SEMA5B: variants seen among roughly 807,000 people sequenced by gnomAD.
SEMA5B encodes the protein semaphorin 5B.
A neutral mutation model predicts 135.0 loss-of-function variants in SEMA5B; 66 were observed. That is an observed-to-expected ratio of 0.49 (90% CI 0.40 to 0.60). SEMA5B has a LOEUF of 0.60. Ranked by LOEUF, SEMA5B falls within the 20% of genes least tolerant of loss-of-function variation. SEMA5B has a pLI of 0.00. For synonymous variants in SEMA5B, 690 were observed against 639.5 expected (o/e 1.08, Z -1.19); for missense variants, 1,501 against 1,566.3 (o/e 0.96, Z 0.70).
chr3:123,020,030 CA>C (rs1412770650), intron 1 of SEMA5B, among the ~76,000 whole-genome samples: 2 of 152,190 alleles, frequency 1.3e-5, no homozygotes, highest in African/African-American at 4.8e-5. Flanking sequence ...GGAAGTCAGT[CA>C]AAAACGGTCT....
At chr3:122,967,777 T>A (rs543875846) in intron 1 of SEMA5B, among the ~76,000 whole-genome samples, 1 of 152,382 alleles carries the variant, frequency 6.6e-6, no homozygotes, top group Non-Finnish European at 1.5e-5. Flanking sequence ...CAGGCTTTGC[T>A]TCTTCCAGGG....
chr3:123,017,231 A>C (rs1942584200), intron 1 of SEMA5B, among the ~76,000 whole-genome samples: 1 of 152,048 alleles, frequency 6.6e-6, no homozygotes, highest in Non-Finnish European at 1.5e-5. Context: ...GTTTGGTTGA[A>C]TCCTCACATG....
chr3:123,016,051 A>G (rs375833472), intron 1 of SEMA5B, among the ~76,000 whole-genome samples: 175 of 152,300 alleles, frequency 1.1e-3, no homozygotes, highest in African/African-American at 4.1e-3. Flanking sequence ...GCTCATGCTC[A>G]CAGAATAGGG....
chr3:123,004,020 A>G (rs1003398999), intron 1 of SEMA5B, among the ~76,000 whole-genome samples: 4 of 152,252 alleles, frequency 2.6e-5, no homozygotes, highest in Middle Eastern at 3.4e-3. Context: ...CTCAAATCCC[A>G]TTAGTCAAAA....
intron 1 of SEMA5B, among the ~76,000 whole-genome samples, chr3:122,978,123 C>T (rs1455556137): frequency 6.6e-6 from 1 of 152,246 alleles, no homozygotes; most frequent in Non-Finnish European, 1.5e-5. Context: ...ACGCAGGAGA[C>T]AGAATTATAG....
At chr3:123,026,012 A>G (rs1011127202) in intron 1 of SEMA5B, among the ~76,000 whole-genome samples, 1 of 152,144 alleles carries the variant, frequency 6.6e-6, no homozygotes, top group Non-Finnish European at 1.5e-5. Flanking sequence ...CTGATTGTCA[A>G]GAAGAGAACA....
At chr3:122,925,275 G>T (rs1352781325) in intron 9 of SEMA5B, among the ~76,000 whole-genome samples, 1 of 152,022 alleles carries the variant, frequency 6.6e-6, no homozygotes, top group Admixed American at 6.6e-5. Flanking sequence ...CTATATCAGG[G>T]TGTCCAATCT....
At chr3:122,986,197 C>A (rs1423535398) in intron 1 of SEMA5B, among the ~76,000 whole-genome samples, 3 of 152,308 alleles carry the variant, frequency 2.0e-5, no homozygotes, top group South Asian at 4.1e-4. Flanking sequence ...TCTGTTCAAG[C>A]CTTTGCCTAC....
intron 1 of SEMA5B, among the ~76,000 whole-genome samples, chr3:123,009,651 G>A (rs1377090593): frequency 3.9e-5 from 6 of 152,192 alleles, no homozygotes; most frequent in Non-Finnish European, 7.3e-5. Flanking sequence ...TCCAGCCACT[G>A]AGGCTTATCA....
chr3:122,961,440 A>C (rs1576369394), intron 1 of SEMA5B, 139 bp from the exon 2 acceptor site: 5 of 772,990 alleles, frequency 6.5e-6, no homozygotes, highest in East Asian at 2.9e-5. Flanking sequence ...TTAACAAATC[A>C]CCACAGTAAT....
At chr3:122,946,791 C>T (rs565765335) in intron 3 of SEMA5B, among the ~76,000 whole-genome samples, 35 of 152,180 alleles carry the variant, frequency 2.3e-4, no homozygotes, top group Non-Finnish European at 4.1e-4. Flanking sequence ...ATTCAGCAAA[C>T]GGATAGGAAA....
intron 1 of SEMA5B, among the ~76,000 whole-genome samples, chr3:122,976,861 C>T (rs1337260945): frequency 6.6e-6 from 1 of 152,122 alleles, no homozygotes; most frequent in Non-Finnish European, 1.5e-5. Flanking sequence ...ACCAGCCTTG[C>T]CAACATGATG....
At chr3:123,026,101 G>A (rs909551640) in intron 1 of SEMA5B, among the ~76,000 whole-genome samples, 3 of 152,210 alleles carry the variant, frequency 2.0e-5, no homozygotes, top group Admixed American at 6.5e-5. Flanking sequence ...CCCCGAGGCC[G>A]AAGTGGGTTG....
rs763417376 is a variant in SEMA5B at position 122,922,255 on chromosome 3, G to A, written c.1465C>T (p.Leu489Phe). 3 of 1,613,910 alleles carry A rather than the reference G, an allele frequency of 1.9e-6. No homozygotes were observed. Among genetic ancestry groups the A allele is most frequent in the South Asian group, 1.1e-5 (1 of 91,012 alleles). The change falls in exon 11 of 23, where the codon CTC becomes TTC. Residue 489 changes from leucine (L) to phenylalanine (F), a missense_variant. Transcript: ENST00000357599. ...VQAKDTLYHVLYIGTESGTIL... is the reference protein window; with the variant it reads ...VQAKDTLYHVFYIGTESGTIL... ...GCCGGCTCACCGGTGCCAATGTAGA[G>A]TACATGGTAGAGCGTGTCTTTAGCC...
At chr3:122,951,949 T>C (rs1437630471) in intron 2 of SEMA5B, among the ~76,000 whole-genome samples, 1 of 152,218 alleles carries the variant, frequency 6.6e-6, no homozygotes, top group African/African-American at 2.4e-5. Flanking sequence ...AATGGAATAA[T>C]ACCCATCACT....
At chr3:122,981,567 A>G (rs1293831319) in intron 1 of SEMA5B, among the ~76,000 whole-genome samples, 1 of 152,224 alleles carries the variant, frequency 6.6e-6, no homozygotes, top group African/African-American at 2.4e-5. Flanking sequence ...GGAGGTCCCC[A>G]TTCTCTTCTC....
chr3:122,920,697 A>G (rs2107633955), intron 12 of SEMA5B, among the ~76,000 whole-genome samples: 1 of 152,338 alleles, frequency 6.6e-6, no homozygotes. Context: ...TCATACGGTT[A>G]GTAGATGATG....
chr3:122,922,010 C>T lies in SEMA5B; in HGVS notation c.1593G>A (p.Leu531=). 1 of 1,523,860 alleles carries T rather than the reference C, an allele frequency of 6.6e-7. No homozygotes were observed. The highest frequency in any genetic ancestry group is 2.4e-5 in the East Asian group (1 of 40,880). 94.4% of individuals were successfully genotyped at this position (1,523,860 alleles called of 1,614,324 possible). A position where few individuals can be genotyped will look rare whatever the true frequency, so the allele number is the denominator to read the frequency against. Residue 531 remains leucine (L), a synonymous_variant, in exon 12 of 23, where the codon CTG becomes CTA. Transcript: ENST00000357599. ...PPGRREPLRS[L]RILHSARALF... ...GCGCGCGGGCGCTGTGCAGGATGCG[C>T]AGGCTGCGCAGGGGCTCGCGGCGCC...
intron 1 of SEMA5B, among the ~76,000 whole-genome samples, chr3:122,964,342 G>A (rs1469143293): frequency 6.6e-6 from 1 of 152,200 alleles, no homozygotes; most frequent in East Asian, 1.9e-4. Context: ...TGGGGGCAGA[G>A]GAGGATGGGA....
Sources: allele counts gnomAD v4.1 joint callset (sites outside exome capture counted in the v4.1 genomes callset), GRCh38; gene constraint gnomAD v4.1.1; transcripts MANE v1.5; gene names NCBI Gene and HGNC (gene_info 2026-07-23, HGNC 2026-07-21).